The following PTK7 variants were observed in gnomAD, a reference collection of about 807,000 sequenced individuals.
The protein encoded by PTK7 is protein tyrosine kinase 7 (inactive), also known as inactive tyrosine-protein kinase 7.
Under a neutral mutation model 116.6 loss-of-function variants are expected in PTK7, and 39 were observed. That is an observed-to-expected ratio of 0.33 (90% confidence interval 0.26 to 0.44). The LOEUF (loss-of-function observed/expected upper bound fraction) is 0.44. PTK7 is among the 20% of genes least tolerant of loss of function. PTK7 has a pLI of 1.00. For missense variants in PTK7, 1,169 were observed against 1,425.6 expected (o/e 0.82, Z 2.90); for synonymous variants, 546 against 563.6 (o/e 0.97, Z 0.44).
chr6:43,132,211 A>G (rs778971695), intron 6 of PTK7, 47 bp downstream of exon 6: 3 of 1,556,440 alleles, frequency 1.9e-6, no homozygotes, highest in Admixed American at 3.9e-5. Context: ...TGCCTTTAAC[A>G]TTTTTGGCAC....
At chr6:43,108,972 A>T (rs1175327570) in intron 1 of PTK7, among the ~76,000 whole-genome samples, 1 of 152,220 alleles carries the variant, frequency 6.6e-6, no homozygotes, top group African/African-American at 2.4e-5. Context: ...AGAAAGGGAA[A>T]AATAAATGCT....
intron 7 of PTK7, among the ~76,000 whole-genome samples, chr6:43,135,674 G>C (rs1236829012): frequency 6.6e-6 from 1 of 152,232 alleles, no homozygotes; most frequent in Admixed American, 6.5e-5. Context: ...TTGAATAAAC[G>C]ATGGTGAGAG....
intron 1 of PTK7, among the ~76,000 whole-genome samples, chr6:43,115,204 A>T (rs1196712834): frequency 1.3e-5 from 2 of 151,732 alleles, no homozygotes; most frequent in Non-Finnish European, 2.9e-5. Context: ...GATTTTTTTT[A>T]AAGTATGACT....
At chr6:43,105,450 CAAAAAA>C (rs34623759) in intron 1 of PTK7, among the ~76,000 whole-genome samples, 42 of 93,430 alleles carry the variant, frequency 4.5e-4, no homozygotes, top group South Asian at 2.0e-3. Context: ...AACTGTATAG[CAAAAAA>C]AAAAAAAAAA....
At chr6:43,079,456 G>C (rs1766242740) in intron 1 of PTK7, among the ~76,000 whole-genome samples, 1 of 126,056 alleles carries the variant, frequency 7.9e-6, no homozygotes, top group Non-Finnish European at 1.6e-5. Flanking sequence ...TGCCGAGATC[G>C]TGCCACTGCA....
At chr6:43,096,350 C>A (rs549374594) in intron 1 of PTK7, among the ~76,000 whole-genome samples, 1 of 151,972 alleles carries the variant, frequency 6.6e-6, no homozygotes, top group African/African-American at 2.4e-5. Context: ...ACACTGTCTC[C>A]GTTTTTGTCA....
chr6:43,146,624 C>T lies in PTK7; in HGVS notation c.2647C>T (p.Leu883Phe), dbSNP rs1302599936. 9 of 1,613,426 alleles carry T rather than the reference C, an allele frequency of 5.6e-6. No individual in the cohort carries two copies. Among genetic ancestry groups the T allele is most frequent in the Non-Finnish European group, 7.6e-6 (9 of 1,179,926 alleles). The part of the protein sequence containing the change: ...MVLEYVDLGD[L>F]KQFLRISKSK... ...TGCCTGGCTTTTCCCTTAGGGAGAC[C>T]TCAAGCAGTTCCTGAGGATTTCCAA... The change falls in exon 17 of 20, where the codon CTC becomes TTC. Residue 883 changes from leucine to phenylalanine, a missense_variant. By Grantham distance (22) the Leu-to-Phe change is conservative (BLOSUM62 0). Transcript: ENST00000230419.
chr6:43,146,470 G>GA (rs1285067041), intron 16 of PTK7, 148 bp from the exon 17 acceptor site: 3 of 495,846 alleles, frequency 6.1e-6, no homozygotes, highest in Non-Finnish European at 9.9e-6. Context: ...CACTCCCAGT[G>GA]AACTTCCCCC....
chr6:43,115,885 G>A (rs544554475), intron 1 of PTK7, among the ~76,000 whole-genome samples: 3 of 138,830 alleles, frequency 2.2e-5, no homozygotes, highest in East Asian at 4.3e-4. Flanking sequence ...CCAAGATCGC[G>A]CCACTGCACT....
chr6:43,103,769 A>G (rs1767711942), intron 1 of PTK7, among the ~76,000 whole-genome samples: 2 of 152,308 alleles, frequency 1.3e-5, no homozygotes, highest in East Asian at 3.9e-4. Flanking sequence ...GGGAAGGGGC[A>G]CAGCTGTCTG....
At chr6:43,130,770 T>G in intron 5 of PTK7, 109 bp downstream of exon 5, 1 of 1,419,598 alleles carries the variant, frequency 7.0e-7, no homozygotes, top group Non-Finnish European at 9.6e-7. Flanking sequence ...CATGTATTAT[T>G]TCAAATTTCC....
intron 7 of PTK7, chr6:43,133,051 G>C: frequency 2.3e-6 from 1 of 433,910 alleles, no homozygotes; most frequent in Middle Eastern, 5.9e-4. Context: ...ATAAAATGGA[G>C]CCAGTAATCT....
chr6:43,108,180 C>A (rs1406001693), intron 1 of PTK7, among the ~76,000 whole-genome samples: 1 of 151,388 alleles, frequency 6.6e-6, no homozygotes, highest in African/African-American at 2.4e-5. Context: ...CTGCAACCTC[C>A]GCCTCCCAGG....
intron 1 of PTK7, among the ~76,000 whole-genome samples, chr6:43,078,400 A>G (rs577413244): frequency 1.3e-4 from 20 of 152,250 alleles, no homozygotes; most frequent in East Asian, 5.8e-4. Context: ...CCTTAAATCA[A>G]TTCCACCAAA....
chr6:43,090,560 TACA>T (rs1017151505), intron 1 of PTK7, among the ~76,000 whole-genome samples: 2 of 152,182 alleles, frequency 1.3e-5, no homozygotes, highest in African/African-American at 4.8e-5. Flanking sequence ...AGGTGGGTTG[TACA>T]AAGACCCTAG....
intron 17 of PTK7, among the ~76,000 whole-genome samples, chr6:43,157,325 G>A (rs1771495700): frequency 4.7e-5 from 2 of 42,340 alleles, no homozygotes; most frequent in South Asian, 2.5e-3. Context: ...AGACACACAC[G>A]CTATATATAT....
At position 43,129,785 on chromosome 6, in the gene PTK7, A is replaced by G. The variant is rs1176887830; in HGVS notation, c.426A>G (p.Pro142=). 1.2e-6 allele frequency: 2 copies of G among 1,614,108 alleles called. No individual in the cohort carries two copies. The highest frequency in any genetic ancestry group is 1.7e-5 in the Admixed American group (1 of 60,012). Residue 142 remains proline (P), a synonymous_variant, in exon 3 of 20, where the codon CCA becomes CCG. Transcript: ENST00000230419. The surrounding 1 kb of genome is among the most constrained non-coding windows in gnomAD (Gnocchi z 4.5). ...CAGCCTCGGAAGCTGAGATCCAGCC[A>G]CAGACCCAGGTCACACTTCGTTGCC... ...KHPASEAEIQ[P]QTQVTLRCHI... is the part of the protein sequence containing the mutation.
intron 17 of PTK7, among the ~76,000 whole-genome samples, chr6:43,155,075 G>A (rs1231869499): frequency 1.3e-5 from 2 of 152,186 alleles, no homozygotes; most frequent in African/African-American, 2.4e-5. Flanking sequence ...TGAATGGGTG[G>A]TTTCTTATTT....
At chr6:43,091,171 T>C (rs979090464) in intron 1 of PTK7, among the ~76,000 whole-genome samples, 2 of 150,962 alleles carry the variant, frequency 1.3e-5, no homozygotes, top group Non-Finnish European at 3.0e-5. Context: ...TTTTTTTTTT[T>C]TGTTTTGGAG....
Sources: allele counts gnomAD v4.1 joint callset (sites outside exome capture counted in the v4.1 genomes callset), GRCh38; gene constraint gnomAD v4.1.1; non-coding constraint Gnocchi (gnomAD v3.1); transcripts MANE v1.5; gene names NCBI Gene and HGNC (gene_info 2026-07-23, HGNC 2026-07-21).